The following TRA2A variants were observed in gnomAD, a reference collection of about 807,000 sequenced individuals.
TRA2A encodes the protein transformer-2 protein homolog alpha.
TRA2A carries 31 observed loss-of-function variants against 45.7 expected under a neutral mutation model. The ratio of observed to expected loss-of-function variants is 0.68; its 90% CI spans 0.51 to 0.92. TRA2A has a LOEUF of 0.92. TRA2A is among the 40% of genes least tolerant of loss of function. The pLI is 0.00. For synonymous variants in TRA2A, 132 were observed against 126.2 expected (o/e 1.05, Z -0.31); for missense variants, 304 against 367.5 (o/e 0.83, Z 1.41).
At chr7:23,521,890 A>G (rs1790154447) in intron 1 of TRA2A, 50 bp from the exon 2 acceptor site, 1 of 1,607,814 alleles carries the variant, frequency 6.2e-7, no homozygotes, top group Non-Finnish European at 8.5e-7. Flanking sequence ...TAGATGCCTA[A>G]CACCTAACAT....
chr7:23,506,607 C>G (rs1789349594), intron 5 of TRA2A: 1 of 255,174 alleles, frequency 3.9e-6, no homozygotes, highest in East Asian at 7.5e-5. Context: ...CTAAATGAGA[C>G]TGGTAAATAA....
intron 1 of TRA2A, among the ~76,000 whole-genome samples, chr7:23,528,739 C>G (rs2128001193): frequency 6.6e-6 from 1 of 151,640 alleles, no homozygotes; most frequent in East Asian, 1.9e-4. Flanking sequence ...GCGATCTCGG[C>G]TCACTGCAAC....
At chr7:23,531,695 G>T (rs745638127) in intron 1 of TRA2A, 94 bp downstream of exon 1, 13 of 1,413,614 alleles carry the variant, frequency 9.2e-6, no homozygotes, top group Non-Finnish European at 1.2e-5. Context: ...TGCTCCTCGC[G>T]GGACTACCCG....
At chr7:23,508,952 A>G (rs113714065) in intron 4 of TRA2A, among the ~76,000 whole-genome samples, 4 of 152,206 alleles carry the variant, frequency 2.6e-5, no homozygotes, top group African/African-American at 9.6e-5. Flanking sequence ...GTCTCTTTGA[A>G]AAGAACTCTG....
chr7:23,512,788 GA>G (rs951616052), intron 4 of TRA2A, 105 bp downstream of exon 4: 20 of 837,234 alleles, frequency 2.4e-5, no homozygotes, highest in East Asian at 1.2e-4. Flanking sequence ...AAAAAAAAAA[GA>G]AAAAAAGGAA....
Position 23,507,410 on chromosome 7 carries a change from G to C in TRA2A, c.641+10C>G, listed in dbSNP as rs201201076. ...TTTCATAGTTTAGCTTAGGAAACTT[G>C]AACTCTTACTGAGTTGGTCTGCCCA... On this transcript the variant is annotated intron_variant, in intron 5 of 7. Transcript: ENST00000297071. The C allele has an allele frequency of 8.1e-6, 13 of 1,601,600 alleles. No individual in the cohort carries two copies. The highest frequency in any genetic ancestry group is 1.0e-5 in the Non-Finnish European group (12 of 1,169,760).
Position 23,518,492 on chromosome 7 carries a change from C to T in TRA2A, c.171-1964G>A, listed in dbSNP as rs143799350. ...AAGTAGCTGGGATTACAGGCACTTG[C>T]CAGCATGCCCAGCTAATTTTTGTGT... On this transcript the variant is annotated intron_variant, in intron 2 of 7. Coordinates refer to ENST00000297071, the MANE Select transcript of TRA2A (RefSeq NM_013293.5). 5.9e-4 allele frequency among the ~76,000 whole-genome samples: 89 copies of T among 151,614 alleles called. 2 individuals are homozygous for T. The East Asian group carries it at 0.012, about 20-fold the overall frequency.
At chr7:23,512,073 C>T (rs1402256684) in intron 4 of TRA2A, among the ~76,000 whole-genome samples, 1 of 152,174 alleles carries the variant, frequency 6.6e-6, no homozygotes, top group Non-Finnish European at 1.5e-5. Context: ...AATTTAAACA[C>T]ATATAGCTCA....
chr7:23,505,639 T>A (rs1789297000), intron 7 of TRA2A, 70 bp from the exon 8 acceptor site: 1 of 689,736 alleles, frequency 1.4e-6, no homozygotes, highest in South Asian at 1.9e-5. Context: ...TTGCCTCATA[T>A]TTTTCCAACT....
chr7:23,512,821 C>A, intron 4 of TRA2A, 73 bp downstream of exon 4: 3 of 1,083,950 alleles, frequency 2.8e-6, no homozygotes, highest in South Asian at 2.3e-5. Context: ...GCAATGTTTA[C>A]AGAAATAAGT....
intron 6 of TRA2A, 153 bp from the exon 7 acceptor site, chr7:23,505,966 A>G: frequency 1.4e-6 from 1 of 713,118 alleles, no homozygotes; most frequent in Non-Finnish European, 2.3e-6. Flanking sequence ...CCAGAAAAGT[A>G]TATAGCACAA....
At chr7:23,523,130 G>A (rs148579445) in intron 1 of TRA2A, among the ~76,000 whole-genome samples, 6 of 152,082 alleles carry the variant, frequency 3.9e-5, no homozygotes, top group South Asian at 2.1e-4. Context: ...TATTATCCAC[G>A]ACATACCACA....
At position 23,512,981 on chromosome 7, in the gene TRA2A, A is replaced by G. The variant is rs1319810464; in HGVS notation, c.438T>C (p.Ser146=). 4.3e-6 allele frequency: 7 copies of G among 1,613,400 alleles called. No individual in the cohort carries two copies. In the African/African-American group the frequency reaches 8.0e-5, roughly 18 times the overall value. Reference sequence around the variant, plus strand: ...GCTGATCATAAACCACATTGACACCACTCAATGGTCCATATCGAGAAAATA... The same window carrying G: ...GCTGATCATAAACCACATTGACACCGCTCAATGGTCCATATCGAGAAAATA... ...REVFSRYGPL[S]GVNVVYDQRT... Residue 146 remains serine (S), a synonymous_variant, in exon 4 of 8, where the codon AGT becomes AGC. Coordinates refer to ENST00000297071, the MANE Select transcript of TRA2A (RefSeq NM_013293.5).
intron 1 of TRA2A, chr7:23,522,285 G>T: frequency 8.9e-7 from 1 of 1,118,402 alleles, no homozygotes; most frequent in Non-Finnish European, 1.1e-6. Context: ...ATATTCAAGT[G>T]CTTCTATCTG....
intron 3 of TRA2A, among the ~76,000 whole-genome samples, chr7:23,515,783 T>C (rs1438971439): frequency 6.6e-6 from 1 of 150,724 alleles, no homozygotes; most frequent in African/African-American, 2.4e-5. Flanking sequence ...TGACCTTAGG[T>C]GACCCACACC....
intron 3 of TRA2A, 125 bp downstream of exon 3, chr7:23,516,238 T>C: frequency 1.2e-6 from 1 of 855,774 alleles, no homozygotes; most frequent in Non-Finnish European, 1.8e-6. Flanking sequence ...CTAAAGCAGC[T>C]TATTAAGGAT....
At chr7:23,518,655 T>C (rs904629637) in intron 2 of TRA2A, among the ~76,000 whole-genome samples, 3 of 150,386 alleles carry the variant, frequency 2.0e-5, no homozygotes, top group East Asian at 2.0e-4. Flanking sequence ...ACTGGTAACA[T>C]TTCTGAGTCT....
chr7:23,527,438 T>C (rs1354163039), intron 1 of TRA2A, among the ~76,000 whole-genome samples: 1 of 152,212 alleles, frequency 6.6e-6, no homozygotes, highest in Non-Finnish European at 1.5e-5. Context: ...TGAGGACATA[T>C]GAACAAATAG....
chr7:23,525,182 T>C (rs1273747270), intron 1 of TRA2A, among the ~76,000 whole-genome samples: 2 of 152,242 alleles, frequency 1.3e-5, no homozygotes, highest in Non-Finnish European at 2.9e-5. Context: ...AGAAGTCCTT[T>C]ATATAAAGAG....
Sources: allele counts gnomAD v4.1 joint callset (sites outside exome capture counted in the v4.1 genomes callset), GRCh38; gene constraint gnomAD v4.1.1; transcripts MANE v1.5; gene names NCBI Gene and HGNC (gene_info 2026-07-23, HGNC 2026-07-21).